Variants in GRID2 observed in about 807,000 individuals in gnomAD.
The protein encoded by GRID2 is glutamate ionotropic receptor delta type subunit 2, also known as glutamate receptor ionotropic, delta-2.
In GRID2, 33 loss-of-function variants were observed where a neutral mutation model predicts 114.8. The ratio of observed to expected loss-of-function variants is 0.29; its 90% CI spans 0.22 to 0.38. The LOEUF is 0.38. Ranked by LOEUF, GRID2 falls within the 10% of genes least tolerant of loss-of-function variation. The pLI is 1.00. For synonymous variants in GRID2, 505 were observed against 449.9 expected (o/e 1.12, Z -1.55); for missense variants, 1,184 against 1,257.7 (o/e 0.94, Z 0.89).
chr4:92,552,970 G>A (rs75949331), intron 1 of GRID2, among the ~76,000 whole-genome samples: 1 of 152,292 alleles, frequency 6.6e-6, no homozygotes, highest in South Asian at 2.1e-4. Context: ...TTGGTGAGCA[G>A]ATTTGCTCAC....
At chr4:93,647,192 C>T (rs1457883019) in intron 14 of GRID2, among the ~76,000 whole-genome samples, 1 of 151,958 alleles carries the variant, frequency 6.6e-6, no homozygotes, top group African/African-American at 2.4e-5. Flanking sequence ...GGAAGAGAAT[C>T]GAAGCAGAAA....
intron 4 of GRID2, among the ~76,000 whole-genome samples, chr4:93,174,978 A>T (rs1739213568): frequency 1.3e-5 from 2 of 152,054 alleles, no homozygotes; most frequent in Admixed American, 1.3e-4. Flanking sequence ...GTCTAGAGTA[A>T]ATGTCCAATA....
intron 13 of GRID2, among the ~76,000 whole-genome samples, chr4:93,606,959 A>G (rs181762891): frequency 7.2e-5 from 11 of 152,298 alleles, no homozygotes; most frequent in South Asian, 2.1e-4. Context: ...GAATTTGACT[A>G]TGTATAAATT....
intron 12 of GRID2, among the ~76,000 whole-genome samples, chr4:93,496,778 A>C (rs1727588954): frequency 6.6e-6 from 1 of 151,866 alleles, no homozygotes; most frequent in South Asian, 2.1e-4. Flanking sequence ...CAATTTACTT[A>C]CTGAATGACA....
chr4:92,970,405 A>G (rs919472971), intron 2 of GRID2, among the ~76,000 whole-genome samples: 1 of 152,016 alleles, frequency 6.6e-6, no homozygotes, highest in Non-Finnish European at 1.5e-5. Flanking sequence ...GAATATATTA[A>G]TGTTAAATGG....
At chr4:92,682,751 C>T (rs574874054) in intron 2 of GRID2, among the ~76,000 whole-genome samples, 4 of 151,070 alleles carry the variant, frequency 2.6e-5, no homozygotes, top group South Asian at 2.1e-4. Context: ...ACATAATAGC[C>T]GATATGTTGC....
chr4:93,536,703 A>G (rs2149521497), intron 13 of GRID2, among the ~76,000 whole-genome samples: 1 of 150,492 alleles, frequency 6.6e-6, no homozygotes, highest in Non-Finnish European at 1.5e-5. Flanking sequence ...CAGCTTTTAA[A>G]TTCAATCTAC....
intron 2 of GRID2, among the ~76,000 whole-genome samples, chr4:92,609,343 A>G (rs1233999192): frequency 2.0e-5 from 3 of 151,722 alleles, no homozygotes; most frequent in African/African-American, 7.3e-5. Flanking sequence ...TCATGGTACC[A>G]GTGTAAAACA....
At chr4:93,070,617 T>A (rs1433986792) in intron 2 of GRID2, among the ~76,000 whole-genome samples, 1 of 152,012 alleles carries the variant, frequency 6.6e-6, no homozygotes, top group Non-Finnish European at 1.5e-5. Flanking sequence ...AGAGAAACCA[T>A]AATGAATTAG....
At chr4:92,349,443 A>G (rs1207572638) in intron 1 of GRID2, among the ~76,000 whole-genome samples, 1 of 151,890 alleles carries the variant, frequency 6.6e-6, no homozygotes, top group African/African-American at 2.4e-5. Flanking sequence ...ACATATTGGT[A>G]AATAATAAAG....
At chr4:93,099,839 A>G (rs905866050) in intron 3 of GRID2, among the ~76,000 whole-genome samples, 3 of 151,912 alleles carry the variant, frequency 2.0e-5, no homozygotes, top group Non-Finnish European at 4.4e-5. Context: ...AAGAATCACA[A>G]TGTTTATTCT....
intron 12 of GRID2, among the ~76,000 whole-genome samples, chr4:93,492,595 G>A (rs1312349229): frequency 6.6e-6 from 1 of 151,766 alleles, no homozygotes; most frequent in African/African-American, 2.4e-5. Context: ...AGTATCAAAA[G>A]TTAGGTGACT....
chr4:93,582,825 A>G (rs1737114898), intron 13 of GRID2, among the ~76,000 whole-genome samples: 2 of 152,192 alleles, frequency 1.3e-5, no homozygotes, highest in Admixed American at 1.3e-4. Context: ...AAGCCCCTTC[A>G]ATAGAAACGA....
chr4:92,431,287 C>T (rs1006848251), intron 1 of GRID2, among the ~76,000 whole-genome samples: 1 of 152,072 alleles, frequency 6.6e-6, no homozygotes, highest in Non-Finnish European at 1.5e-5. Flanking sequence ...TATCTATCCC[C>T]AGTTTTTTGA....
At chr4:93,113,041 C>T (rs1220740616) in intron 4 of GRID2, among the ~76,000 whole-genome samples, 1 of 152,114 alleles carries the variant, frequency 6.6e-6, no homozygotes, top group South Asian at 2.1e-4. Flanking sequence ...AGTGATGGCA[C>T]AACTTTACCC....
At chr4:93,704,416 G>A (rs1481216860) in intron 14 of GRID2, among the ~76,000 whole-genome samples, 3 of 152,048 alleles carry the variant, frequency 2.0e-5, no homozygotes, top group South Asian at 2.1e-4. Flanking sequence ...AGATGAGTAG[G>A]TTGCAAAAAT....
At chr4:93,124,065 C>A (rs1734042321) in intron 4 of GRID2, among the ~76,000 whole-genome samples, 1 of 148,760 alleles carries the variant, frequency 6.7e-6, no homozygotes, top group African/African-American at 2.5e-5. Context: ...ATGTAACTAA[C>A]CTGCACAATG....
chr4:93,551,747 A>G (rs1321429074), intron 13 of GRID2, among the ~76,000 whole-genome samples: 1 of 152,196 alleles, frequency 6.6e-6, no homozygotes, highest in Non-Finnish European at 1.5e-5. Context: ...ACTGAAAATA[A>G]TGGCCAAAAC....
intron 14 of GRID2, among the ~76,000 whole-genome samples, chr4:93,636,109 A>C (rs915649022): frequency 3.3e-5 from 5 of 152,134 alleles, no homozygotes; most frequent in African/African-American, 1.2e-4. Context: ...AAGCATCTTT[A>C]TTAGATTTTT....
Sources: allele counts gnomAD v4.1 joint callset (sites outside exome capture counted in the v4.1 genomes callset), GRCh38; gene constraint gnomAD v4.1.1; transcripts MANE v1.5; gene names NCBI Gene and HGNC (gene_info 2026-07-23, HGNC 2026-07-21).